The following LNX1 variants were observed in gnomAD, a reference collection of about 807,000 sequenced individuals.
LNX1 encodes ligand of numb-protein X 1.
A neutral mutation model predicts 68.4 loss-of-function variants in LNX1; 54 were observed. That is an observed-to-expected ratio of 0.79 (90% CI 0.63 to 0.99). The LOEUF is 0.99. Among genes scored for constraint, LNX1 ranks in the 50% least tolerant of loss-of-function variants. The pLI is 0.00. For synonymous variants in LNX1, 336 were observed against 350.0 expected (o/e 0.96, Z 0.45); for missense variants, 906 against 926.4 (o/e 0.98, Z 0.29).
intron 5 of LNX1, 102 bp from the exon 6 acceptor site, chr4:53,496,496 G>GT: frequency 7.3e-7 from 1 of 1,374,606 alleles, no homozygotes; most frequent in Non-Finnish European, 9.7e-7. Flanking sequence ...TTTAAAGACT[G>GT]CTCTGCTCTC....
intron 1 of LNX1, chr4:53,652,018 T>TGA (rs1423382248): frequency 3.2e-4 from 33 of 102,470 alleles, no homozygotes; most frequent in African/African-American, 9.7e-4. Flanking sequence ...GATGTGTGTG[T>TGA]GTGAGAGAGA....
At chr4:53,628,831 TGGACGAAGCA>T (rs1198647462) in intron 1 of LNX1, among the ~76,000 whole-genome samples, 3 of 151,964 alleles carry the variant, frequency 2.0e-5, no homozygotes, top group Non-Finnish European at 2.9e-5. Context: ...TACAATGACT[TGGACGAAGCA>T]GGAGGCCATT....
At chr4:53,480,101 G>A (rs1247639260) in intron 7 of LNX1, among the ~76,000 whole-genome samples, 1 of 152,068 alleles carries the variant, frequency 6.6e-6, no homozygotes, top group African/African-American at 2.4e-5. Flanking sequence ...TTTTTAAAAA[G>A]CTACCTGGTT....
chr4:53,468,636 T>C (rs960670518), intron 9 of LNX1, among the ~76,000 whole-genome samples: 37 of 151,954 alleles, frequency 2.4e-4, no homozygotes, highest in Admixed American at 1.2e-3. Flanking sequence ...AATAAAGGGA[T>C]GGAAGAAGAT....
At chr4:53,563,188 T>G (rs575163522) in intron 2 of LNX1, among the ~76,000 whole-genome samples, 3 of 152,126 alleles carry the variant, frequency 2.0e-5, no homozygotes, top group Non-Finnish European at 2.9e-5. Flanking sequence ...AGAGTGAGAT[T>G]CCAACTCAAA....
At chr4:53,642,727 G>A (rs1442389842) in intron 1 of LNX1, among the ~76,000 whole-genome samples, 1 of 152,112 alleles carries the variant, frequency 6.6e-6, no homozygotes, top group Non-Finnish European at 1.5e-5. Context: ...AAGCCTGCGG[G>A]GTCTGAGGTT....
chr4:53,506,822 G>GCA (rs1416688198), intron 4 of LNX1, among the ~76,000 whole-genome samples: 2 of 124,690 alleles, frequency 1.6e-5, no homozygotes, highest in Non-Finnish European at 3.3e-5. Flanking sequence ...TGCCGCCGTT[G>GCA]CACTCCAGCC....
chr4:53,473,166 A>G (rs1228608619), intron 9 of LNX1, among the ~76,000 whole-genome samples: 1 of 152,252 alleles, frequency 6.6e-6, no homozygotes, highest in Non-Finnish European at 1.5e-5. Context: ...CAACTGCTCT[A>G]TGAACAAGAG....
At chr4:53,499,486 C>A (rs1725324019) in intron 4 of LNX1, among the ~76,000 whole-genome samples, 1 of 152,178 alleles carries the variant, frequency 6.6e-6, no homozygotes, top group South Asian at 2.1e-4. Flanking sequence ...TACCTCATAT[C>A]ATGCCCATAA....
At chr4:53,485,331 G>T (rs1187268243) in intron 6 of LNX1, among the ~76,000 whole-genome samples, 1 of 152,156 alleles carries the variant, frequency 6.6e-6, no homozygotes, top group African/African-American at 2.4e-5. Context: ...GTTCATTTTG[G>T]ATGAGGAGTA....
Position 53,478,575 on chromosome 4 carries a change from T to G in LNX1, c.1653A>C (p.Arg551Ser), listed in dbSNP as rs1456813863. The G allele has an allele frequency of 3.1e-6, 5 of 1,607,706 alleles. No homozygotes were observed. In the East Asian group the frequency reaches 1.1e-4, roughly 36 times the overall value. ...EPGGVISRDG[R>S]IKTGDILLNV... ...CCCTTTACTTTTTACCTGTTTTTAT[T>G]CTTCCATCTCTGCTTATGACTCCTC... The change falls in exon 8 of 11, where the codon AGA (arginine) becomes AGC (serine). Residue 551 changes from arginine to serine, a missense_variant. By Grantham distance (110) the Arg-to-Ser change is moderately radical. Transcript: ENST00000263925.
rs150857715 is a variant in LNX1, at chr4:53,623,698, C to T, written c.-215+28470G>A. On this transcript the variant is annotated intron_variant, in intron 1 of 2. Transcript: ENST00000507168. Reference sequence around the variant, plus strand: ...TATGTTTTATTTTTGTTAAAACCACCGAGAATTTATAACTATCAAGAGATT... The same window carrying T: ...TATGTTTTATTTTTGTTAAAACCACTGAGAATTTATAACTATCAAGAGATT... Among the ~76,000 whole-genome samples, 93 of 151,756 alleles carry T rather than the reference C, an allele frequency of 6.1e-4. No homozygotes were observed. In the East Asian group the frequency reaches 0.015, roughly 24 times the overall value.
intron 2 of LNX1, among the ~76,000 whole-genome samples, chr4:53,544,112 T>C (rs1728937041): frequency 6.6e-6 from 1 of 152,226 alleles, no homozygotes. Flanking sequence ...ATTGGGCTTT[T>C]AAATTCTCTG....
intron 2 of LNX1, among the ~76,000 whole-genome samples, chr4:53,518,091 T>A (rs1726928237): frequency 6.6e-6 from 1 of 152,168 alleles, no homozygotes; most frequent in African/African-American, 2.4e-5. Flanking sequence ...CAAAACAAGC[T>A]GGAAAGTCAT....
chr4:53,566,157 G>C (rs1730671770), intron 2 of LNX1, among the ~76,000 whole-genome samples: 1 of 152,016 alleles, frequency 6.6e-6, no homozygotes, highest in African/African-American at 2.4e-5. Flanking sequence ...ACGGCACAAA[G>C]ATACTCCTGG....
In LNX1 at chr4:53,460,710, A is replaced by G; in HGVS notation, c.*197T>C. On this transcript the variant is annotated 3_prime_UTR_variant, in exon 11 of 11. Coordinates refer to ENST00000263925, the MANE Select transcript of LNX1 (RefSeq NM_001126328.3). ...AGTAATGAGAAATCCTCCACACTGA[A>G]AAAAAACTAGTAGTTTTAATTTTTT... 1.9e-6 allele frequency: 1 copy of G among 538,646 alleles called. No individual in the cohort carries two copies. Among genetic ancestry groups the G allele is most frequent in the Non-Finnish European group, 3.2e-6 (1 of 315,760 alleles). 33.4% of individuals were successfully genotyped at this position (538,646 alleles called of 1,614,324 possible).
rs530757284 is a variant in LNX1 at position 53,543,809 on chromosome 4, T to A, written c.380+29814A>T. Among the ~76,000 whole-genome samples, 4 of 152,222 alleles carry A rather than the reference T, an allele frequency of 2.6e-5. No homozygotes were observed. In the South Asian group the frequency reaches 8.3e-4, roughly 32 times the overall value. ...CCATGCCAAGAAAGAAGAGAGCAGC[T>A]TATGTCCAAAGAAACTGGGAAAGAA... On this transcript the variant is annotated intron_variant, in intron 2 of 10. Coordinates refer to ENST00000263925, the MANE Select transcript of LNX1 (RefSeq NM_001126328.3).
intron 2 of LNX1, among the ~76,000 whole-genome samples, chr4:53,554,043 C>T (rs551492226): frequency 8.5e-5 from 13 of 152,330 alleles, no homozygotes; most frequent in East Asian, 5.8e-4. Context: ...TCCCAGGAAA[C>T]GTGGGCTGTA....
intron 9 of LNX1, among the ~76,000 whole-genome samples, chr4:53,474,995 T>C (rs533237060): frequency 6.6e-6 from 1 of 152,314 alleles, no homozygotes; most frequent in East Asian, 1.9e-4. Context: ...CTTGAACTCC[T>C]GGTCTCAAGT....
Sources: allele counts gnomAD v4.1 joint callset (sites outside exome capture counted in the v4.1 genomes callset), GRCh38; gene constraint gnomAD v4.1.1; transcripts MANE v1.5; gene names NCBI Gene and HGNC (gene_info 2026-07-23, HGNC 2026-07-21).